Variants in ADGRL3 observed in about 807,000 individuals in gnomAD.
ADGRL3 encodes adhesion G protein-coupled receptor L3, also known as calcium-independent alpha-latrotoxin receptor 3.
In ADGRL3, 62 loss-of-function variants were observed where a neutral mutation model predicts 153.5. That is an observed-to-expected ratio of 0.40 (90% CI 0.33 to 0.50). The LOEUF (loss-of-function observed/expected upper bound fraction) is 0.50. Among genes scored for constraint, ADGRL3 ranks in the 20% least tolerant of loss-of-function variants. The pLI, the probability that ADGRL3 is intolerant of heterozygous loss-of-function variation, is 0.47. For synonymous variants in ADGRL3, 710 were observed against 672.5 expected (o/e 1.06, Z -0.86); for missense variants, 1,641 against 1,859.4 (o/e 0.88, Z 2.16).
intron 5 of ADGRL3, among the ~76,000 whole-genome samples, chr4:61,619,496 G>C (rs765189268): frequency 1.4e-5 from 2 of 138,342 alleles, no homozygotes; most frequent in Non-Finnish European, 3.1e-5. Flanking sequence ...TTTATTGCTA[G>C]GTTTTTGGAG....
chr4:61,432,568 CTCTTCCTTTCTTTCTTTCTTTCTTTCTT>C (rs1243275380), intron 2 of ADGRL3, among the ~76,000 whole-genome samples: 1,068 of 38,372 alleles, frequency 0.028, 225 homozygotes, highest in African/African-American at 0.054. Context: ...TCTTTTCTTT[CTCTTCCTTTCTTTCTTTCTTTCTTTCTT>C]TCTTTCTTTC....
intron 1 of ADGRL3, among the ~76,000 whole-genome samples, chr4:61,225,213 G>A (rs182620048): frequency 3.9e-4 from 60 of 152,314 alleles, no homozygotes; most frequent in Admixed American, 2.0e-3. Flanking sequence ...GGGCAATCCA[G>A]TGGTCCCAGG....
chr4:62,000,509 T>C (rs1255409243), intron 21 of ADGRL3, among the ~76,000 whole-genome samples: 1 of 152,106 alleles, frequency 6.6e-6, no homozygotes, highest in Non-Finnish European at 1.5e-5. Flanking sequence ...AAGTTTTATA[T>C]TACAAAGCAA....
At chr4:61,835,114 A>C (rs2148914979) in intron 9 of ADGRL3, among the ~76,000 whole-genome samples, 1 of 152,282 alleles carries the variant, frequency 6.6e-6, no homozygotes, top group Admixed American at 6.5e-5. Context: ...TGATAACCCC[A>C]AAACTTAAAA....
intron 5 of ADGRL3, among the ~76,000 whole-genome samples, chr4:61,648,814 A>C (rs1276514025): frequency 6.6e-6 from 1 of 151,910 alleles, no homozygotes; most frequent in Non-Finnish European, 1.5e-5. Context: ...ACTCATCTGG[A>C]TATTGTTCCG....
At chr4:61,516,278 A>ATTCTCTT (rs2098494258) in intron 3 of ADGRL3, among the ~76,000 whole-genome samples, 1 of 152,104 alleles carries the variant, frequency 6.6e-6, no homozygotes, top group South Asian at 2.1e-4. Context: ...ATTCTCTTGC[A>ATTCTCTT]TTATTGATTT....
intron 4 of ADGRL3, among the ~76,000 whole-genome samples, chr4:61,528,454 C>G (rs2098589351): frequency 6.6e-6 from 1 of 151,964 alleles, no homozygotes; most frequent in Non-Finnish European, 1.5e-5. Flanking sequence ...CCCAGACACC[C>G]AGAATTGAGC....
At chr4:62,046,716 T>C (rs1582045580) in intron 25 of ADGRL3, among the ~76,000 whole-genome samples, 1 of 152,104 alleles carries the variant, frequency 6.6e-6, no homozygotes, top group East Asian at 1.9e-4. Context: ...AGGATATATA[T>C]TCTTCCTTTC....
chr4:62,037,132 G>A (rs958681158), intron 23 of ADGRL3, among the ~76,000 whole-genome samples: 1 of 152,048 alleles, frequency 6.6e-6, no homozygotes, highest in Non-Finnish European at 1.5e-5. Flanking sequence ...CAATTTGAAC[G>A]TTTGATCTCT....
At chr4:61,817,501 C>G (rs111273193) in intron 9 of ADGRL3, among the ~76,000 whole-genome samples, 9 of 152,122 alleles carry the variant, frequency 5.9e-5, no homozygotes, top group Non-Finnish European at 1.2e-4. Flanking sequence ...AGTCTCCTCT[C>G]CACTGAGAGC....
chr4:61,959,250 T>C (rs948247092), intron 17 of ADGRL3, among the ~76,000 whole-genome samples: 5 of 152,200 alleles, frequency 3.3e-5, no homozygotes, highest in African/African-American at 1.2e-4. Context: ...ACATTTCTAC[T>C]GTGGTTTTGT....
At chr4:61,587,121 A>T (rs2098949602) in intron 4 of ADGRL3, 106 bp from the exon 5 acceptor site, 1 of 612,212 alleles carries the variant, frequency 1.6e-6, no homozygotes, top group Non-Finnish European at 2.8e-6. Context: ...TAACTGCTTT[A>T]TATCTTCGTA....
intron 1 of ADGRL3, among the ~76,000 whole-genome samples, chr4:61,350,390 A>T (rs914713592): frequency 3.4e-5 from 5 of 148,932 alleles, no homozygotes; most frequent in Non-Finnish European, 7.4e-5. Context: ...CATCTTGATA[A>T]TAACTGTCTT....
chr4:62,053,837 A>C (rs2151789342), intron 25 of ADGRL3, among the ~76,000 whole-genome samples: 1 of 151,670 alleles, frequency 6.6e-6, no homozygotes, highest in East Asian at 1.9e-4. Flanking sequence ...AAGATTATAT[A>C]ATTTGCACAA....
At chr4:61,814,959 T>C (rs1407329674) in intron 9 of ADGRL3, among the ~76,000 whole-genome samples, 1 of 152,102 alleles carries the variant, frequency 6.6e-6, no homozygotes, top group Non-Finnish European at 1.5e-5. Flanking sequence ...GGGCACAGAA[T>C]GTCATATTTA....
At chr4:62,027,267 G>A (rs1169251046) in intron 21 of ADGRL3, among the ~76,000 whole-genome samples, 3 of 151,836 alleles carry the variant, frequency 2.0e-5, no homozygotes, top group Admixed American at 2.0e-4. Context: ...ACACATCCAT[G>A]GCATTATTCA....
At chr4:61,767,169 G>C (rs1234106973) in intron 8 of ADGRL3, among the ~76,000 whole-genome samples, 1 of 151,954 alleles carries the variant, frequency 6.6e-6, no homozygotes. Context: ...ACAAGAGGAG[G>C]ACCCAAAGGA....
At chr4:61,370,943 G>A (rs1447081049) in intron 1 of ADGRL3, among the ~76,000 whole-genome samples, 1 of 150,228 alleles carries the variant, frequency 6.7e-6, no homozygotes, top group Admixed American at 6.6e-5. Context: ...ATTTAGGATA[G>A]TTAGCTCTTC....
intron 4 of ADGRL3, among the ~76,000 whole-genome samples, chr4:61,570,346 T>C (rs2098833437): frequency 2.0e-5 from 3 of 152,144 alleles, no homozygotes; most frequent in Admixed American, 2.0e-4. Flanking sequence ...TTTCAGGGTA[T>C]TACTCTCTTT....
Sources: allele counts gnomAD v4.1 joint callset (sites outside exome capture counted in the v4.1 genomes callset), GRCh38; gene constraint gnomAD v4.1.1; transcripts MANE v1.5; gene names NCBI Gene and HGNC (gene_info 2026-07-23, HGNC 2026-07-21).